NRG3: variants seen among roughly 807,000 people sequenced by gnomAD.
The protein encoded by NRG3 is pro-neuregulin-3, membrane-bound isoform.
NRG3 carries 31 observed loss-of-function variants against 66.9 expected under a neutral mutation model. That is an observed-to-expected ratio of 0.46 (90% CI 0.35 to 0.63). The LOEUF (loss-of-function observed/expected upper bound fraction) is 0.63, where lower values mean the gene tolerates loss of function less well. NRG3 is among the 20% of genes least tolerant of loss of function. The pLI is 0.00. For synonymous variants in NRG3, 393 were observed against 359.4 expected, an observed-to-expected ratio of 1.09 and a Z score of -1.06; for missense variants, 910 against 878.9, an observed-to-expected ratio of 1.04 and a Z score of -0.45.
intron 4 of NRG3, among the ~76,000 whole-genome samples, chr10:82,870,450 A>C (rs1379666491): frequency 1.3e-5 from 2 of 152,202 alleles, no homozygotes; most frequent in Non-Finnish European, 2.9e-5. Flanking sequence ...GTAAGTACCA[A>C]AAAGCATGAC....
chr10:82,677,706 G>C (rs186625172), intron 2 of NRG3, among the ~76,000 whole-genome samples: 191 of 152,230 alleles, frequency 1.3e-3, no homozygotes, highest in Admixed American at 7.0e-3. Context: ...GGGGTGTAAG[G>C]CAGAGTGAGA....
intron 2 of NRG3, among the ~76,000 whole-genome samples, chr10:82,381,538 C>G (rs1056536890): frequency 6.6e-6 from 1 of 152,136 alleles, no homozygotes; most frequent in Non-Finnish European, 1.5e-5. Flanking sequence ...TTCTCAACAA[C>G]GTGTACAAGA....
intron 2 of NRG3, among the ~76,000 whole-genome samples, chr10:82,564,657 T>G (rs954183862): frequency 1.3e-5 from 2 of 152,104 alleles, no homozygotes; most frequent in African/African-American, 4.8e-5. Flanking sequence ...CTCTTAAGAT[T>G]CCAGGTGAAT....
chr10:82,806,279 A>C (rs2061279499), intron 3 of NRG3, among the ~76,000 whole-genome samples: 1 of 152,230 alleles, frequency 6.6e-6, no homozygotes, highest in Non-Finnish European at 1.5e-5. Flanking sequence ...TTCAACAATG[A>C]CAATGACAAT....
chr10:82,477,292 A>G (rs1165938695), intron 2 of NRG3, among the ~76,000 whole-genome samples: 1 of 152,220 alleles, frequency 6.6e-6, no homozygotes, highest in Non-Finnish European at 1.5e-5. Context: ...TCTCACGAGC[A>G]GAGTTGGGTT....
intron 1 of NRG3, among the ~76,000 whole-genome samples, chr10:81,973,983 A>G (rs1426450580): frequency 3.3e-5 from 5 of 152,104 alleles, no homozygotes; most frequent in Non-Finnish European, 7.4e-5. Flanking sequence ...ATTTTTGTCC[A>G]TGCCTGTGTC....
chr10:82,361,886 A>G (rs910976022), intron 2 of NRG3, among the ~76,000 whole-genome samples: 1 of 151,988 alleles, frequency 6.6e-6, no homozygotes. Context: ...AAAAGATTAG[A>G]CATCTAAATC....
At chr10:82,841,228 C>A (rs2063042132) in intron 3 of NRG3, among the ~76,000 whole-genome samples, 1 of 152,134 alleles carries the variant, frequency 6.6e-6, no homozygotes, top group African/African-American at 2.4e-5. Context: ...AGGAGTATGG[C>A]CCTGCTAACC....
intron 1 of NRG3, among the ~76,000 whole-genome samples, chr10:82,336,257 G>C (rs1296974547): frequency 5.3e-5 from 8 of 152,078 alleles, no homozygotes; most frequent in African/African-American, 1.7e-4. Context: ...GTGCAGTGTG[G>C]AAGGGACAGA....
At chr10:82,655,457 G>A (rs1055600852) in intron 2 of NRG3, among the ~76,000 whole-genome samples, 5 of 152,098 alleles carry the variant, frequency 3.3e-5, no homozygotes, top group African/African-American at 1.2e-4. Context: ...TTTTTCGGGT[G>A]TGGAACATTA....
intron 1 of NRG3, among the ~76,000 whole-genome samples, chr10:81,975,243 T>C (rs1312736670): frequency 1.3e-5 from 2 of 152,156 alleles, no homozygotes; most frequent in South Asian, 2.1e-4. Context: ...CAATCCCCTA[T>C]ATCAGTAGTT....
At chr10:82,791,284 C>T (rs1294083829) in intron 3 of NRG3, among the ~76,000 whole-genome samples, 1 of 150,888 alleles carries the variant, frequency 6.6e-6, no homozygotes, top group Non-Finnish European at 1.5e-5. Flanking sequence ...TATTTGATTA[C>T]TGATGTTTAT....
intron 1 of NRG3, among the ~76,000 whole-genome samples, chr10:82,051,670 G>T (rs2063599094): frequency 6.6e-6 from 1 of 152,152 alleles, no homozygotes; most frequent in African/African-American, 2.4e-5. Context: ...TATGAAGGAT[G>T]AAAAATGAGT....
At chr10:82,198,261 C>G (rs1438959592) in intron 1 of NRG3, among the ~76,000 whole-genome samples, 3 of 151,828 alleles carry the variant, frequency 2.0e-5, no homozygotes, top group African/African-American at 7.2e-5. Context: ...ATAAACACTA[C>G]TTCCTTGGGT....
chr10:82,074,392 G>T (rs1236350691), intron 1 of NRG3, among the ~76,000 whole-genome samples: 1 of 152,184 alleles, frequency 6.6e-6, no homozygotes, highest in Non-Finnish European at 1.5e-5. Context: ...CTCTAAGAAT[G>T]ATCAGAACTC....
intron 1 of NRG3, among the ~76,000 whole-genome samples, chr10:82,285,210 G>T (rs1395884044): frequency 1.3e-5 from 2 of 152,182 alleles, no homozygotes; most frequent in Non-Finnish European, 2.9e-5. Flanking sequence ...AATTTTGGAG[G>T]AAGACAGAAG....
Position 82,601,504 on chromosome 10 carries a change from T to A in NRG3, c.954-137073T>A, listed in dbSNP as rs543916725. ...ACTGAATCAAATGGCATGACTATTG[T>A]CATGCTTTTAATGTATTTTTTCAAA... On this transcript the variant is annotated intron_variant, in intron 2 of 8. Coordinates refer to ENST00000372141, the MANE Select transcript of NRG3 (RefSeq NM_001010848.4). Among the ~76,000 whole-genome samples the A allele has an allele frequency of 1.3e-4, 20 of 152,326 alleles. No individual in the cohort carries two copies. The South Asian group carries it at 3.7e-3, about 28-fold the overall frequency.
intron 2 of NRG3, among the ~76,000 whole-genome samples, chr10:82,435,081 T>C (rs1241023976): frequency 1.3e-5 from 2 of 152,158 alleles, no homozygotes. Flanking sequence ...TCCTAGGCTT[T>C]TTTTCGTTGG....
At chr10:82,937,114 G>T (rs1848147769) in intron 4 of NRG3, among the ~76,000 whole-genome samples, 1 of 152,082 alleles carries the variant, frequency 6.6e-6, no homozygotes, top group Admixed American at 6.5e-5. Context: ...TTTTTCTTAT[G>T]CACTTGAGGA....
Sources: gnomAD v4.1 joint callset for allele counts (sites outside exome capture counted in the v4.1 genomes callset) on GRCh38, gnomAD v4.1.1 for gene constraint, MANE v1.5 for transcripts, NCBI Gene and HGNC (gene_info 2026-07-23, HGNC 2026-07-21) for gene names.